CPNE1: variants seen among roughly 807,000 people sequenced by gnomAD.
CPNE1 encodes the protein copine 1, also known as copine-1.
A neutral mutation model predicts 63.2 loss-of-function variants in CPNE1; 58 were observed. That is an observed-to-expected ratio of 0.92 (90% CI 0.74 to 1.14). CPNE1 has a LOEUF of 1.14. CPNE1 is among the 50% of genes most tolerant of loss of function. The pLI is 0.00. For synonymous variants in CPNE1, 237 were observed against 249.0 expected (o/e 0.95, Z 0.45); for missense variants, 672 against 661.7 (o/e 1.02, Z -0.17).
At chr20:35,628,802 G>A (rs940263664) in intron 13 of CPNE1, among the ~76,000 whole-genome samples, 1 of 152,192 alleles carries the variant, frequency 6.6e-6, no homozygotes, top group Non-Finnish European at 1.5e-5. Context: ...CTGGATAATA[G>A]CATAGATGTT....
chr20:35,627,165 G>C (rs1333861351), intron 14 of CPNE1, 115 bp downstream of exon 14: 8 of 1,048,656 alleles, frequency 7.6e-6, no homozygotes, highest in Non-Finnish European at 9.1e-6. Context: ...TCCAGCCTGG[G>C]TGACAGAGCA....
chr20:35,651,280 G>A (rs2033496042), intron 1 of CPNE1: 2 of 152,128 alleles, frequency 1.3e-5, no homozygotes, highest in African/African-American at 4.8e-5. Flanking sequence ...GAACTCATGT[G>A]GTCCTCCTGC....
Position 35,626,066 on chromosome 20 carries a change from G to T in CPNE1, c.*175C>A. ...GCATTGGTCTTCACTGGTCTTTATT[G>T]AATGAGGGTTGTCAGGAGCAAAGGT... On this transcript the variant is annotated 3_prime_UTR_variant, in exon 16 of 16. Transcript: ENST00000397443. 1.4e-6 allele frequency: 1 copy of T among 715,014 alleles called. No homozygotes were observed. Among genetic ancestry groups the T allele is most frequent in the Non-Finnish European group, 2.5e-6 (1 of 403,622 alleles). The allele number at this position is 715,014 out of a possible 1,614,324, so 44.3% of individuals were successfully genotyped here.
intron 13 of CPNE1, among the ~76,000 whole-genome samples, chr20:35,628,925 G>A (rs956386753): frequency 6.6e-6 from 1 of 152,232 alleles, no homozygotes; most frequent in Non-Finnish European, 1.5e-5. Context: ...TGGGTACAAA[G>A]CTGGTAGGGC....
At chr20:35,630,123 G>A (rs565909242) in intron 13 of CPNE1, among the ~76,000 whole-genome samples, 5 of 152,114 alleles carry the variant, frequency 3.3e-5, no homozygotes, top group East Asian at 1.9e-4. Flanking sequence ...GCAAAACCCC[G>A]TCTCTACTAA....
intron 1 of CPNE1, chr20:35,652,798 C>T (rs2033613838): frequency 6.2e-7 from 1 of 1,608,580 alleles, no homozygotes; most frequent in East Asian, 2.2e-5. Flanking sequence ...GCCAGGGGGA[C>T]CACCAATATG....
intron 1 of CPNE1, among the ~76,000 whole-genome samples, chr20:35,661,824 T>C (rs576210366): frequency 2.0e-4 from 31 of 152,240 alleles, no homozygotes; most frequent in Non-Finnish European, 3.8e-4. Flanking sequence ...AAAAGTGAAC[T>C]TTAACTTTGT....
chr20:35,650,236 GCT>G (rs560607112), intron 1 of CPNE1: 29 of 152,236 alleles, frequency 1.9e-4, no homozygotes, highest in South Asian at 1.0e-3. Flanking sequence ...TACACAAACC[GCT>G]CTTTTAATTT....
In CPNE1 at chr20:35,626,600, A is replaced by C; in HGVS notation, c.1440T>G (p.Ile480Met). 6.2e-7 allele frequency: 1 copy of C among 1,614,158 alleles called. No individual in the cohort carries two copies. Among genetic ancestry groups the C allele is most frequent in the Non-Finnish European group, 8.5e-7 (1 of 1,180,032 alleles). Residue 480 changes from isoleucine to methionine, a missense_variant, in exon 15 of 16, where the codon ATT becomes ATG. Physicochemically the swap from Ile to Met is conservative, Grantham distance 10 (BLOSUM62 1). Coordinates refer to ENST00000397443, the MANE Select transcript of CPNE1 (RefSeq NM_152925.3). Reference protein sequence around the residue: ...TRSGQAAARDIVQFVPYRRFQ... With the variant: ...TRSGQAAARDMVQFVPYRRFQ... ...ACCGGCGGTAGGGTACAAACTGCAC[A>C]ATGTCGCGGGCAGCAGCCTGCCCAG...
chr20:35,633,640 A>C (rs1284390110), intron 1 of CPNE1, among the ~76,000 whole-genome samples: 1 of 152,212 alleles, frequency 6.6e-6, no homozygotes, highest in African/African-American at 2.4e-5. Context: ...TAAATACAGC[A>C]ATCAGGGCGA....
chr20:35,631,404 A>C (rs2032128123), intron 8 of CPNE1, 50 bp from the exon 9 acceptor site: 1 of 1,607,304 alleles, frequency 6.2e-7, no homozygotes, highest in African/African-American at 1.3e-5. Context: ...GCATCAGTCA[A>C]GGACTCGAGC....
At chr20:35,631,604 A>T in intron 7 of CPNE1, 26 bp from the exon 8 acceptor site, 1 of 1,611,006 alleles carries the variant, frequency 6.2e-7, no homozygotes, top group Non-Finnish European at 8.5e-7. Flanking sequence ...GTGTGGACAT[A>T]AACAAGCCAG....
intron 1 of CPNE1, among the ~76,000 whole-genome samples, chr20:35,642,713 A>G (rs1293090531): frequency 6.6e-6 from 1 of 152,196 alleles, no homozygotes; most frequent in Non-Finnish European, 1.5e-5. Context: ...CTGAACCAAA[A>G]ATGAAAATCC....
At chr20:35,653,817 A>AACTTGAATAAAGCGATTGCCC in intron 1 of CPNE1, 1 of 1,613,884 alleles carries the variant, frequency 6.2e-7, no homozygotes, top group Non-Finnish European at 8.5e-7. Flanking sequence ...TAATTGGATG[A>AACTTGAATAAAGCGATTGCCC]ACTTGAATAA....
intron 13 of CPNE1, among the ~76,000 whole-genome samples, chr20:35,629,174 A>G (rs1191309410): frequency 6.6e-6 from 1 of 152,260 alleles, no homozygotes; most frequent in East Asian, 1.9e-4. Flanking sequence ...TAATTGGGAT[A>G]AAGGTGAAGA....
At chr20:35,662,751 A>G (rs749447161) in intron 1 of CPNE1, among the ~76,000 whole-genome samples, 2 of 152,202 alleles carry the variant, frequency 1.3e-5, no homozygotes, top group African/African-American at 4.8e-5. Context: ...TTTCACACCT[A>G]AAGACTGTAC....
chr20:35,658,486 G>T (rs1456925366), intron 1 of CPNE1, among the ~76,000 whole-genome samples: 1 of 151,986 alleles, frequency 6.6e-6, no homozygotes. Flanking sequence ...CACCGGCCTG[G>T]GTGGCGGCTC....
At chr20:35,638,035 GTGAC>G (rs1372866194) in intron 1 of CPNE1, among the ~76,000 whole-genome samples, 1 of 152,174 alleles carries the variant, frequency 6.6e-6, no homozygotes, top group African/African-American at 2.4e-5. Flanking sequence ...TAAGTATTTA[GTGAC>G]TGACTTAACA....
chr20:35,652,413 T>C, intron 1 of CPNE1: 3 of 1,259,700 alleles, frequency 2.4e-6, no homozygotes, highest in African/African-American at 1.5e-5. Context: ...AACCAAGCTA[T>C]ATGCAATTGA....
Sources: allele counts gnomAD v4.1 joint callset (sites outside exome capture counted in the v4.1 genomes callset), GRCh38; gene constraint gnomAD v4.1.1; transcripts MANE v1.5; gene names NCBI Gene and HGNC (gene_info 2026-07-23, HGNC 2026-07-21).